Variants in VAV3 observed in about 807,000 individuals in gnomAD.
The protein encoded by VAV3 is guanine nucleotide exchange factor VAV3.
In VAV3, 94 loss-of-function variants were observed where a neutral mutation model predicts 131.2. The ratio of observed to expected loss-of-function variants is 0.72; its 90% CI spans 0.61 to 0.85. VAV3 has a LOEUF of 0.85. VAV3 is among the 40% of genes least tolerant of loss of function. VAV3 has a pLI of 0.00. For missense variants in VAV3, 939 were observed against 1,002.7 expected (o/e 0.94, Z 0.86); for synonymous variants, 349 against 342.0 (o/e 1.02, Z -0.22).
At chr1:107,652,642 G>A (rs1656261124) in intron 19 of VAV3, among the ~76,000 whole-genome samples, 1 of 151,676 alleles carries the variant, frequency 6.6e-6, no homozygotes, top group Non-Finnish European at 1.5e-5. Flanking sequence ...TATTTATATT[G>A]CCTAAATTTG....
intron 1 of VAV3, among the ~76,000 whole-genome samples, chr1:107,934,060 C>T (rs1413078556): frequency 6.6e-6 from 1 of 152,092 alleles, no homozygotes; most frequent in East Asian, 1.9e-4. Context: ...AGTGACCATA[C>T]TCAAAAAGCT....
At chr1:107,753,128 CA>C (rs1315057333) in intron 12 of VAV3, among the ~76,000 whole-genome samples, 1 of 151,616 alleles carries the variant, frequency 6.6e-6, no homozygotes, top group Non-Finnish European at 1.5e-5. Context: ...AAATGGAAAT[CA>C]AAAAAATAAA....
At chr1:107,918,784 C>T (rs1672750470) in intron 1 of VAV3, among the ~76,000 whole-genome samples, 1 of 150,308 alleles carries the variant, frequency 6.7e-6, no homozygotes, top group African/African-American at 2.5e-5. Flanking sequence ...CAGCTCACCG[C>T]AACCTCTGCC....
At chr1:107,759,168 C>T (rs1443272377) in intron 10 of VAV3, among the ~76,000 whole-genome samples, 2 of 152,084 alleles carry the variant, frequency 1.3e-5, no homozygotes, top group African/African-American at 2.4e-5. Flanking sequence ...TAGGGTCTGT[C>T]GTATATCACG....
At chr1:107,738,661 T>C (rs753800543) in intron 15 of VAV3, among the ~76,000 whole-genome samples, 8 of 152,232 alleles carry the variant, frequency 5.3e-5, no homozygotes, top group Non-Finnish European at 1.2e-4. Flanking sequence ...AAAGTAGTAA[T>C]TCTTGTGATC....
chr1:107,791,278 G>A (rs965342132), intron 2 of VAV3, among the ~76,000 whole-genome samples: 7 of 152,012 alleles, frequency 4.6e-5, no homozygotes, highest in East Asian at 1.9e-4. Context: ...AACAGGCTAC[G>A]GGTAAGGTTC....
intron 20 of VAV3, among the ~76,000 whole-genome samples, chr1:107,618,206 G>A (rs1057147739): frequency 1.8e-4 from 27 of 152,180 alleles, no homozygotes; most frequent in African/African-American, 6.5e-4. Context: ...ACAGGCCACA[G>A]TCTGGGGGTT....
Position 107,797,839 on chromosome 1 carries a change from G to A in VAV3, c.322-18347C>T, listed in dbSNP as rs114255205. The stretch of plus-strand genomic sequence containing the variant: ...ACCTTATCCTGCACCAATACCACCT[G>A]GAGGATTTGTTAAAATAGATTGCTG... On this transcript the variant is annotated intron_variant, in intron 2 of 26. Transcript: ENST00000370056. Among the ~76,000 whole-genome samples the A allele has an allele frequency of 2.7e-3, 414 of 152,260 alleles. 2 individuals carry two copies. The highest frequency in any genetic ancestry group is 9.5e-3 in the African/African-American group (394 of 41,558).
intron 19 of VAV3, among the ~76,000 whole-genome samples, chr1:107,657,580 C>A (rs2101606064): frequency 6.6e-6 from 1 of 152,180 alleles, no homozygotes; most frequent in Non-Finnish European, 1.5e-5. Flanking sequence ...GTCTTAGACA[C>A]CACAGTGGTT....
At chr1:107,613,150 G>A (rs1020935771) in intron 21 of VAV3, among the ~76,000 whole-genome samples, 3 of 152,078 alleles carry the variant, frequency 2.0e-5, no homozygotes. Context: ...ACCTTTTATA[G>A]ATAATCTGTC....
intron 2 of VAV3, among the ~76,000 whole-genome samples, chr1:107,800,839 G>C (rs35853527): frequency 0.1 from 15,358 of 152,002 alleles, 889 homozygotes; most frequent in Non-Finnish European, 0.13. Context: ...AATCCTATTT[G>C]TCTATCTTTG....
intron 13 of VAV3, 56 bp downstream of exon 13, chr1:107,751,061 T>C (rs1570893791): frequency 1.3e-6 from 2 of 1,528,972 alleles, no homozygotes; most frequent in African/African-American, 1.4e-5. Flanking sequence ...TTTAAGGTTT[T>C]CTCAGTTTTC....
chr1:107,703,777 T>C lies in VAV3; in HGVS notation c.1705+773A>G, dbSNP rs78916749. Among the ~76,000 whole-genome samples, 1,444 of 152,234 alleles carry C rather than the reference T, an allele frequency of 9.5e-3. 13 individuals carry two copies. Among genetic ancestry groups the C allele is most frequent in the South Asian group, 0.049 (235 of 4,826 alleles). On this transcript the variant is annotated intron_variant, in intron 17 of 26. Coordinates refer to ENST00000370056, the MANE Select transcript of VAV3 (RefSeq NM_006113.5). ...AGCTGTTAAAGATCCTTTCTTGTGT[T>C]CAAAAGTTTTACTGATTTTGAAAGG...
chr1:107,900,418 T>G (rs1671796739), intron 1 of VAV3, among the ~76,000 whole-genome samples: 1 of 152,320 alleles, frequency 6.6e-6, no homozygotes, highest in Non-Finnish European at 1.5e-5. Flanking sequence ...TTGCAAATTG[T>G]TTTTAGGCCT....
chr1:107,734,358 A>G (rs1417648069), intron 15 of VAV3, among the ~76,000 whole-genome samples: 5 of 152,232 alleles, frequency 3.3e-5, no homozygotes, highest in Admixed American at 3.3e-4. Context: ...CATACATAAC[A>G]ATATTAACCT....
At chr1:107,619,364 C>G (rs1362512642) in intron 20 of VAV3, among the ~76,000 whole-genome samples, 1 of 152,158 alleles carries the variant, frequency 6.6e-6, no homozygotes, top group African/African-American at 2.4e-5. Context: ...GCAGTAACTA[C>G]AAGGTTGGGT....
intron 15 of VAV3, among the ~76,000 whole-genome samples, chr1:107,744,999 T>G (rs1482878053): frequency 6.6e-6 from 1 of 152,156 alleles, no homozygotes; most frequent in Admixed American, 6.6e-5. Context: ...ATAGAAAAAT[T>G]CATAAAAGCA....
At chr1:107,696,460 T>A (rs960690747) in intron 17 of VAV3, among the ~76,000 whole-genome samples, 2 of 152,200 alleles carry the variant, frequency 1.3e-5, no homozygotes, top group African/African-American at 4.8e-5. Flanking sequence ...CTTTTTGGAA[T>A]TGCCTTTCAC....
chr1:107,821,153 TATC>T (rs1667775988), intron 2 of VAV3, among the ~76,000 whole-genome samples: 1 of 152,236 alleles, frequency 6.6e-6, no homozygotes, highest in African/African-American at 2.4e-5. Context: ...TCATTGTTGT[TATC>T]ATATCCTTAG....
Sources: allele counts gnomAD v4.1 joint callset (sites outside exome capture counted in the v4.1 genomes callset), GRCh38; gene constraint gnomAD v4.1.1; transcripts MANE v1.5; gene names NCBI Gene and HGNC (gene_info 2026-07-23, HGNC 2026-07-21).